Variants in GABRB2 observed in about 807,000 individuals in gnomAD.
The protein encoded by GABRB2 is gamma-aminobutyric acid type A receptor subunit beta2, also known as gamma-aminobutyric acid receptor subunit beta-2.
Under a neutral mutation model 54.7 loss-of-function variants are expected in GABRB2, and 16 were observed. The observed-to-expected ratio is 0.29, with a 90% confidence interval of 0.20 to 0.44. The LOEUF (loss-of-function observed/expected upper bound fraction) is 0.44. Ranked by LOEUF, GABRB2 falls within the 20% of genes least tolerant of loss-of-function variation. GABRB2 has a pLI of 1.00. For synonymous variants in GABRB2, 244 were observed against 233.8 expected (o/e 1.04, Z -0.40); for missense variants, 355 against 644.0 (o/e 0.55, Z 4.86).
chr5:161,525,441 C>A lies in GABRB2; in HGVS notation c.237+19786G>T, dbSNP rs549628622. ...TTTCAATTGTAATTTAGTAAGCATT[C>A]TATTTACGAAAGTATTTTCTCTGTA... On this transcript the variant is annotated intron_variant, in intron 3 of 9. Transcript: ENST00000393959. 1.3e-4 allele frequency among the ~76,000 whole-genome samples: 19 copies of A among 151,324 alleles called. No homozygotes were observed. The East Asian group carries it at 3.7e-3, about 29-fold the overall frequency.
chr5:161,294,884 C>T (rs1757339566), intron 9 of GABRB2, among the ~76,000 whole-genome samples: 1 of 152,082 alleles, frequency 6.6e-6, no homozygotes, highest in Admixed American at 6.6e-5. Context: ...AAAACTAGAA[C>T]TAAAAATAGT....
intron 5 of GABRB2, among the ~76,000 whole-genome samples, chr5:161,346,333 T>C (rs1346642768): frequency 1.3e-5 from 2 of 152,114 alleles, no homozygotes; most frequent in Admixed American, 1.3e-4. Flanking sequence ...TCAAATGGAA[T>C]AATGTTCCCT....
At chr5:161,501,135 T>C (rs1759426158) in intron 3 of GABRB2, among the ~76,000 whole-genome samples, 2 of 152,126 alleles carry the variant, frequency 1.3e-5, no homozygotes, top group Non-Finnish European at 2.9e-5. Context: ...CCTGAATAAG[T>C]GGCCCTGTAA....
intron 5 of GABRB2, among the ~76,000 whole-genome samples, chr5:161,391,973 TC>T (rs1755837852): frequency 6.6e-6 from 1 of 152,162 alleles, no homozygotes; most frequent in Admixed American, 6.5e-5. Flanking sequence ...GTGCAGCACC[TC>T]AAGACTACAG....
At chr5:161,463,872 C>A (rs779869587) in intron 3 of GABRB2, among the ~76,000 whole-genome samples, 43 of 151,508 alleles carry the variant, frequency 2.8e-4, no homozygotes, top group Non-Finnish European at 5.2e-4. Context: ...TCAAATGGAA[C>A]TTCCATATAC....
chr5:161,372,814 G>T (rs1561626399), intron 5 of GABRB2, among the ~76,000 whole-genome samples: 1 of 152,122 alleles, frequency 6.6e-6, no homozygotes, highest in Non-Finnish European at 1.5e-5. Context: ...TATGAAAGCA[G>T]GGGCAGAGTC....
intron 4 of GABRB2, among the ~76,000 whole-genome samples, chr5:161,427,218 T>C (rs1757026306): frequency 6.6e-6 from 1 of 152,158 alleles, no homozygotes; most frequent in Non-Finnish European, 1.5e-5. Flanking sequence ...CTAACAGATG[T>C]AATAACAGTC....
intron 9 of GABRB2, among the ~76,000 whole-genome samples, chr5:161,322,031 G>A (rs1758226014): frequency 6.6e-6 from 1 of 151,998 alleles, no homozygotes; most frequent in African/African-American, 2.4e-5. Flanking sequence ...CATCATAGCA[G>A]TTAAATATGT....
At chr5:161,433,105 A>G (rs948964036) in intron 4 of GABRB2, among the ~76,000 whole-genome samples, 1 of 152,158 alleles carries the variant, frequency 6.6e-6, no homozygotes, top group Non-Finnish European at 1.5e-5. Context: ...ATTCACAGAT[A>G]TAAGCTGTAA....
At chr5:161,347,318 A>G (rs1485196530) in intron 5 of GABRB2, among the ~76,000 whole-genome samples, 1 of 152,104 alleles carries the variant, frequency 6.6e-6, no homozygotes, top group Non-Finnish European at 1.5e-5. Flanking sequence ...CTGCTTTAAC[A>G]CTGAAATTCA....
At chr5:161,424,217 A>T (rs1756931850) in intron 4 of GABRB2, among the ~76,000 whole-genome samples, 1 of 152,320 alleles carries the variant, frequency 6.6e-6, no homozygotes, top group South Asian at 2.1e-4. Flanking sequence ...AAGGTAATCA[A>T]TGAAGGTGGC....
chr5:161,409,441 G>A lies in GABRB2; in HGVS notation c.541+1534C>T, dbSNP rs149216527. Among the ~76,000 whole-genome samples the A allele has an allele frequency of 2.6e-3, 396 of 152,170 alleles. 4 individuals carry two copies. Among genetic ancestry groups the A allele is most frequent in the African/African-American group, 8.2e-3 (341 of 41,534 alleles). On this transcript the variant is annotated intron_variant, in intron 5 of 9. Coordinates refer to ENST00000393959, the MANE Select transcript of GABRB2 (RefSeq NM_001371727.1). ...CACTTGGGTGTTGCCTGCATAATTA[G>A]GCATCCATTCTTTAAAATAAAGAGG...
intron 3 of GABRB2, among the ~76,000 whole-genome samples, chr5:161,496,941 A>C (rs1460392777): frequency 6.6e-6 from 1 of 152,158 alleles, no homozygotes; most frequent in Non-Finnish European, 1.5e-5. Context: ...AACTGCTTAT[A>C]ATAAGGCTGT....
chr5:161,305,518 C>T (rs961004336), intron 9 of GABRB2, among the ~76,000 whole-genome samples: 4 of 152,158 alleles, frequency 2.6e-5, no homozygotes, highest in African/African-American at 9.7e-5. Context: ...GTTTTAACAC[C>T]TGTGAGCTTA....
chr5:161,335,212 A>C (rs1561612244), intron 6 of GABRB2, among the ~76,000 whole-genome samples: 1 of 151,958 alleles, frequency 6.6e-6, no homozygotes, highest in Non-Finnish European at 1.5e-5. Context: ...TCTTTTTTTC[A>C]TTCTTTCAAT....
chr5:161,452,638 T>G (rs1206492867), intron 4 of GABRB2, among the ~76,000 whole-genome samples: 1 of 152,178 alleles, frequency 6.6e-6, no homozygotes, highest in Admixed American at 6.5e-5. Context: ...AACCCCAGCA[T>G]TGCCCAATAT....
chr5:161,545,770 C>T (rs1368995299), intron 2 of GABRB2, among the ~76,000 whole-genome samples: 2 of 152,128 alleles, frequency 1.3e-5, no homozygotes, highest in Non-Finnish European at 2.9e-5. Context: ...CTTCTTTCCC[C>T]TACCTTCTCT....
At chr5:161,515,347 T>C (rs981104458) in intron 3 of GABRB2, among the ~76,000 whole-genome samples, 5 of 152,208 alleles carry the variant, frequency 3.3e-5, no homozygotes, top group Non-Finnish European at 7.4e-5. Context: ...TATTAGAAAA[T>C]ATGTTCTTTT....
At chr5:161,492,909 A>G (rs780467926) in intron 3 of GABRB2, among the ~76,000 whole-genome samples, 7 of 151,880 alleles carry the variant, frequency 4.6e-5, no homozygotes, top group Non-Finnish European at 4.4e-5. Context: ...TTACAAAAGT[A>G]TATACATTTC....
Sources: allele counts gnomAD v4.1 joint callset (sites outside exome capture counted in the v4.1 genomes callset), GRCh38; gene constraint gnomAD v4.1.1; transcripts MANE v1.5; gene names NCBI Gene and HGNC (gene_info 2026-07-23, HGNC 2026-07-21).